Variants in OR56A3 observed in about 807,000 individuals in gnomAD.
OR56A3 encodes the protein olfactory receptor family 56 subfamily A member 3, also known as olfactory receptor 56A3.
A neutral mutation model predicts 17.5 loss-of-function variants in OR56A3; 23 were observed. The ratio of observed to expected loss-of-function variants is 1.32; its 90% CI spans 0.95 to 1.87. OR56A3 has a LOEUF of 1.87. Ranked by LOEUF, OR56A3 falls within the 40% of genes most tolerant of loss-of-function variation. OR56A3 has a pLI of 0.00. For missense variants in OR56A3, 366 were observed against 380.1 expected, an observed-to-expected ratio of 0.96 and a Z score of 0.31; for synonymous variants, 175 against 150.6, an observed-to-expected ratio of 1.16 and a Z score of -1.19.
chr11:5,984,823 C>A, the OR56A3 span, among the ~76,000 whole-genome samples: 4 of 152,286 alleles, frequency 2.6e-5, no homozygotes, highest in East Asian at 7.7e-4. Context: ...AATATGAAAT[C>A]CCAAAATAAA....
At chr11:6,003,126 G>A in the OR56A3 span, 3 of 1,578,626 alleles carry the variant, frequency 1.9e-6, no homozygotes, top group Non-Finnish European at 2.6e-6. Context: ...TCCCAATAAA[G>A]TTTTTAAAAT....
the OR56A3 span, among the ~76,000 whole-genome samples, chr11:6,017,832 T>C: frequency 1.8e-4 from 27 of 152,260 alleles, no homozygotes; most frequent in Admixed American, 1.3e-3. Flanking sequence ...ACTTCACCTA[T>C]ACAATAAATA....
At chr11:5,981,197 G>C in the OR56A3 span, among the ~76,000 whole-genome samples, 1 of 152,120 alleles carries the variant, frequency 6.6e-6, no homozygotes, top group Admixed American at 6.5e-5. Flanking sequence ...TCCTGAATTT[G>C]AATGTCAAAC....
At chr11:5,975,235 C>G in the OR56A3 span, among the ~76,000 whole-genome samples, 1 of 152,172 alleles carries the variant, frequency 6.6e-6, no homozygotes, top group Non-Finnish European at 1.5e-5. Context: ...TCTTTAAGTT[C>G]TAGGGAACAT....
At chr11:5,995,033 C>A in the OR56A3 span, 1 of 641,060 alleles carries the variant, frequency 1.6e-6, no homozygotes, top group African/African-American at 1.8e-5. Flanking sequence ...ATCCGGGAAC[C>A]TGAGGCCCCG....
chr11:5,967,998 G>A, the OR56A3 span: 1 of 1,590,500 alleles, frequency 6.3e-7, no homozygotes, highest in Non-Finnish European at 8.6e-7. Flanking sequence ...GAGTCGAGAA[G>A]AAAGTATGGG....
At chr11:5,985,278 A>G in the OR56A3 span, among the ~76,000 whole-genome samples, 1 of 152,228 alleles carries the variant, frequency 6.6e-6, no homozygotes, top group African/African-American at 2.4e-5. Flanking sequence ...GCATGAATAT[A>G]AATAAGTTGA....
the OR56A3 span, among the ~76,000 whole-genome samples, chr11:5,963,594 T>C: frequency 6.6e-6 from 1 of 152,158 alleles, no homozygotes; most frequent in Admixed American, 6.5e-5. Context: ...TATATGTTAT[T>C]TGCTTATTTT....
the OR56A3 span, among the ~76,000 whole-genome samples, chr11:5,963,699 G>A: frequency 6.6e-6 from 1 of 151,974 alleles, no homozygotes; most frequent in Non-Finnish European, 1.5e-5. Context: ...AATCTCATTG[G>A]TGATCTTGAT....
chr11:6,010,239 C>A, the OR56A3 span, among the ~76,000 whole-genome samples: 102 of 152,238 alleles, frequency 6.7e-4, no homozygotes, highest in Admixed American at 4.2e-3. Context: ...CTTGCTCATG[C>A]CGACTTTGTA....
chr11:6,016,806 CA>C, the OR56A3 span, among the ~76,000 whole-genome samples: 1 of 130,316 alleles, frequency 7.7e-6, no homozygotes, highest in Non-Finnish European at 1.6e-5. Flanking sequence ...AGAAATTCAA[CA>C]AAGAGATATC....
At chr11:5,996,790 G>A in the OR56A3 span, among the ~76,000 whole-genome samples, 2 of 152,242 alleles carry the variant, frequency 1.3e-5, no homozygotes, top group African/African-American at 2.4e-5. Context: ...TTTCCAGTTG[G>A]TTATTATATT....
At position 5,950,364 on chromosome 11, in the gene OR56A3, G is replaced by A. The variant is rs1847900709; in HGVS notation, c.*2070G>A. The A allele has an allele frequency of 6.6e-6, 1 of 151,944 alleles. No individual in the cohort carries two copies. Among genetic ancestry groups the A allele is most frequent in the Non-Finnish European group, 1.5e-5 (1 of 67,932 alleles). The allele number at this position is 151,944 out of a possible 1,614,324, so 9.4% of individuals were successfully genotyped here. A position where few individuals can be genotyped will look rare whatever the true frequency, so the allele number is the denominator to read the frequency against. ...TAAGTCTTGTCTTCCCAAAGAACAT[G>A]GTAAAAAGTTCATATTTTAAAAGTA... On this transcript the variant is annotated 3_prime_UTR_variant, in exon 3 of 3. Transcript: ENST00000641160.
the OR56A3 span, among the ~76,000 whole-genome samples, chr11:6,012,365 T>C: frequency 6.6e-6 from 1 of 152,134 alleles, no homozygotes; most frequent in African/African-American, 2.4e-5. Flanking sequence ...AATTGTCAGT[T>C]GTCAGCAGAG....
the OR56A3 span, among the ~76,000 whole-genome samples, chr11:5,963,898 T>C: frequency 1.3e-5 from 2 of 152,258 alleles, no homozygotes; most frequent in South Asian, 4.1e-4. Context: ...TCTTTTTAGT[T>C]CTTTTTTTCT....
chr11:5,951,709 A>G (rs1365017312), downstream of OR56A3, among the ~76,000 whole-genome samples: 1 of 152,196 alleles, frequency 6.6e-6, no homozygotes, highest in African/African-American at 2.4e-5. Flanking sequence ...GTGGCCCTTC[A>G]GCTCAACATT....
the OR56A3 span, among the ~76,000 whole-genome samples, chr11:5,996,722 C>T: frequency 3.3e-5 from 5 of 152,196 alleles, no homozygotes; most frequent in Admixed American, 2.6e-4. Context: ...ACTATACAAA[C>T]TTATTTGTGG....
the OR56A3 span, among the ~76,000 whole-genome samples, chr11:6,016,575 T>C: frequency 2.0e-5 from 3 of 152,040 alleles, no homozygotes; most frequent in East Asian, 3.8e-4. Flanking sequence ...AATGTGCAGA[T>C]ACCAATGTAA....
the OR56A3 span, chr11:5,967,240 A>C: frequency 3.9e-6 from 1 of 256,722 alleles, no homozygotes; most frequent in Non-Finnish European, 7.3e-6. Context: ...AATAATTGGA[A>C]TTATATTTAT....
Sources: gnomAD v4.1 joint callset for allele counts (sites outside exome capture counted in the v4.1 genomes callset) on GRCh38, gnomAD v4.1.1 for gene constraint, MANE v1.5 for transcripts, NCBI Gene and HGNC (gene_info 2026-07-23, HGNC 2026-07-21) for gene names.